Variants in NEDD4L observed in about 807,000 individuals in gnomAD.
NEDD4L encodes E3 ubiquitin-protein ligase NEDD4-like.
NEDD4L carries 54 observed loss-of-function variants against 148.9 expected under a neutral mutation model. That is an observed-to-expected ratio of 0.36 (90% CI 0.29 to 0.45). The LOEUF (loss-of-function observed/expected upper bound fraction) is 0.45, where lower values mean the gene tolerates loss of function less well. Ranked by LOEUF, NEDD4L falls within the 20% of genes least tolerant of loss-of-function variation. NEDD4L has a pLI of 1.00. For synonymous variants in NEDD4L, 433 were observed against 440.7 expected (o/e 0.98, Z 0.22); for missense variants, 856 against 1,233.8 (o/e 0.69, Z 4.59).
At chr18:58,310,474 C>G (rs1385932149) in intron 5 of NEDD4L, among the ~76,000 whole-genome samples, 1 of 152,226 alleles carries the variant, frequency 6.6e-6, no homozygotes, top group Non-Finnish European at 1.5e-5. Flanking sequence ...TATGTCATCA[C>G]ACTTTTTTCT....
intron 2 of NEDD4L, among the ~76,000 whole-genome samples, chr18:58,238,257 T>C (rs1359602823): frequency 6.6e-6 from 1 of 152,210 alleles, no homozygotes; most frequent in African/African-American, 2.4e-5. Context: ...TTTCAAAATT[T>C]TTCAGTAGTC....
intron 1 of NEDD4L, among the ~76,000 whole-genome samples, chr18:58,077,419 G>A (rs902574474): frequency 4.0e-5 from 6 of 151,768 alleles, no homozygotes; most frequent in Non-Finnish European, 7.4e-5. Context: ...TACCCACCTC[G>A]GCCTCCCAAA....
chr18:58,089,365 C>T (rs1439685824), intron 1 of NEDD4L, among the ~76,000 whole-genome samples: 2 of 152,084 alleles, frequency 1.3e-5, no homozygotes, highest in South Asian at 4.1e-4. Context: ...GAACTCCTGA[C>T]CTCAGGTGAT....
intron 28 of NEDD4L, 108 bp from the exon 29 acceptor site, chr18:58,390,538 G>A (rs964033264): frequency 2.8e-6 from 2 of 703,964 alleles, no homozygotes; most frequent in African/African-American, 3.5e-5. Context: ...CAACTGTCTA[G>A]GTCTTACATT....
At chr18:58,080,202 G>A (rs765129312) in intron 1 of NEDD4L, among the ~76,000 whole-genome samples, 26 of 152,338 alleles carry the variant, frequency 1.7e-4, no homozygotes, top group Non-Finnish European at 3.1e-4. Flanking sequence ...GGGATTAAAG[G>A]TGTGAGCCAC....
chr18:58,331,516 A>G (rs1240846236), intron 11 of NEDD4L, among the ~76,000 whole-genome samples: 1 of 152,226 alleles, frequency 6.6e-6, no homozygotes, highest in Non-Finnish European at 1.5e-5. Context: ...GCTCTCAACC[A>G]TCAGAAACAT....
At chr18:58,144,417 A>G (rs2033890855) in intron 1 of NEDD4L, among the ~76,000 whole-genome samples, 1 of 152,096 alleles carries the variant, frequency 6.6e-6, no homozygotes, top group Non-Finnish European at 1.5e-5. Context: ...CACCATTGCC[A>G]GAACAGCACC....
chr18:58,052,812 A>G (rs1229705063), intron 1 of NEDD4L, among the ~76,000 whole-genome samples: 1 of 152,134 alleles, frequency 6.6e-6, no homozygotes, highest in Non-Finnish European at 1.5e-5. Context: ...CTAAAAATAC[A>G]AAAATTAGCT....
At chr18:58,070,530 T>G (rs2082812802) in intron 1 of NEDD4L, among the ~76,000 whole-genome samples, 1 of 152,084 alleles carries the variant, frequency 6.6e-6, no homozygotes, top group African/African-American at 2.4e-5. Context: ...CTTGACGACT[T>G]CAAAAAGCTC....
chr18:58,298,871 A>G (rs1400840845), intron 5 of NEDD4L, among the ~76,000 whole-genome samples: 1 of 152,262 alleles, frequency 6.6e-6, no homozygotes, highest in African/African-American at 2.4e-5. Context: ...GCAAAATTAA[A>G]TAAATAAGTG....
chr18:58,059,686 A>C (rs1163792102), intron 1 of NEDD4L, among the ~76,000 whole-genome samples: 1 of 152,166 alleles, frequency 6.6e-6, no homozygotes, highest in African/African-American at 2.4e-5. Flanking sequence ...GTGCTACAGA[A>C]ACAAACTCAC....
chr18:58,245,488 C>A lies in NEDD4L; in HGVS notation c.184C>A (p.Gln62Lys). 1 of 1,569,556 alleles carries A rather than the reference C, an allele frequency of 6.4e-7. No homozygotes were observed. The highest frequency in any genetic ancestry group is 8.7e-7 in the Non-Finnish European group (1 of 1,147,522). Residue 62 changes from glutamine to lysine, a missense_variant, in exon 3 of 31, where the codon CAG becomes AAG. Transcript: ENST00000400345. Reference sequence around the variant, plus strand: ...TGAGAATAGAGAACTTGCTTTGGTCCAGACAAAAACAATTAAAAAGGTAGG... The same window carrying A: ...TGAGAATAGAGAACTTGCTTTGGTCAAGACAAAAACAATTAAAAAGGTAGG... The part of the protein sequence containing the change: ...ADENRELALV[Q>K]TKTIKKTLNP...
At chr18:58,276,855 T>A (rs2148899357) in intron 5 of NEDD4L, among the ~76,000 whole-genome samples, 1 of 152,106 alleles carries the variant, frequency 6.6e-6, no homozygotes, top group Admixed American at 6.5e-5. Context: ...TATTGCAGGG[T>A]CTGTAGTTGC....
intron 2 of NEDD4L, among the ~76,000 whole-genome samples, chr18:58,218,515 G>A (rs1424756667): frequency 6.6e-6 from 1 of 152,188 alleles, no homozygotes; most frequent in East Asian, 1.9e-4. Flanking sequence ...GTCTTCCCAG[G>A]TGTCTCTTCA....
rs756003748 is a variant in NEDD4L at position 58,330,877 on chromosome 18, C to T, written c.953C>T (p.Thr318Ile). Reference sequence around the variant, plus strand: ...GAACTAAGCAGAAGGCTTCAGATCACTCCAGACTCCAATGGGGAACAGTTC... The same window carrying T: ...GAACTAAGCAGAAGGCTTCAGATCATTCCAGACTCCAATGGGGAACAGTTC... ...SEELSRRLQI[T>I]PDSNGEQFSS... is the part of the protein sequence containing the mutation. The change falls in exon 11 of 31, where the codon ACT becomes ATT. Residue 318 changes from threonine to isoleucine, a missense_variant. Thr to Ile is a moderately conservative substitution (Grantham distance 89). Coordinates refer to ENST00000400345, the MANE Select transcript of NEDD4L (RefSeq NM_001144967.3). 1 of 1,613,922 alleles carries T rather than the reference C, an allele frequency of 6.2e-7. No individual in the cohort carries two copies. Among genetic ancestry groups the T allele is most frequent in the Admixed American group, 1.7e-5 (1 of 60,024 alleles).
At chr18:58,208,090 A>C (rs1297059578) in intron 2 of NEDD4L, among the ~76,000 whole-genome samples, 1 of 152,136 alleles carries the variant, frequency 6.6e-6, no homozygotes, top group Admixed American at 6.6e-5. Flanking sequence ...TTATTTCCTC[A>C]CTGGAACATT....
chr18:58,224,671 A>C (rs1242845164), intron 2 of NEDD4L, among the ~76,000 whole-genome samples: 1 of 152,182 alleles, frequency 6.6e-6, no homozygotes, highest in Non-Finnish European at 1.5e-5. Context: ...TATTTAAGTC[A>C]CTTGTCCTGT....
intron 1 of NEDD4L, among the ~76,000 whole-genome samples, chr18:58,066,696 A>G (rs935940795): frequency 6.6e-6 from 1 of 152,138 alleles, no homozygotes; most frequent in Admixed American, 6.5e-5. Flanking sequence ...TTGGCTCACG[A>G]TTCTGCAGGT....
chr18:58,228,394 A>G (rs563290841), intron 2 of NEDD4L, among the ~76,000 whole-genome samples: 1 of 152,348 alleles, frequency 6.6e-6, no homozygotes, highest in African/African-American at 2.4e-5. Flanking sequence ...AGGAGAAAGC[A>G]TGCTGTGCTC....
Sources: gnomAD v4.1 joint callset for allele counts (sites outside exome capture counted in the v4.1 genomes callset) on GRCh38, gnomAD v4.1.1 for gene constraint, MANE v1.5 for transcripts, NCBI Gene and HGNC (gene_info 2026-07-23, HGNC 2026-07-21) for gene names.